Variants in HEATR5B observed in about 807,000 individuals in gnomAD.
HEATR5B encodes the protein HEAT repeat containing 5B, also known as HEAT repeat-containing protein 5B.
In HEATR5B, 156 loss-of-function variants were observed where a neutral mutation model predicts 224.1. The observed-to-expected ratio is 0.70, with a 90% CI of 0.61 to 0.80. The LOEUF (loss-of-function observed/expected upper bound fraction) is 0.80. Among genes scored for constraint, HEATR5B ranks in the 30% least tolerant of loss-of-function variants. The pLI is 0.00. For missense variants in HEATR5B, 2,323 were observed against 2,535.5 expected (o/e 0.92, Z 1.80); for synonymous variants, 1,027 against 893.0 (o/e 1.15, Z -2.68).
intron 24 of HEATR5B, among the ~76,000 whole-genome samples, chr2:37,026,625 A>C (rs930641316): frequency 6.6e-6 from 1 of 152,196 alleles, no homozygotes; most frequent in Non-Finnish European, 1.5e-5. Flanking sequence ...AAGTTCTTCC[A>C]GGGTATGGAC....
intron 10 of HEATR5B, among the ~76,000 whole-genome samples, chr2:37,064,257 T>A (rs1363766174): frequency 6.6e-6 from 1 of 150,518 alleles, no homozygotes; most frequent in East Asian, 2.0e-4. Flanking sequence ...GACTTTCAAA[T>A]AATTACTATA....
chr2:37,053,914 C>T (rs1670719874), intron 16 of HEATR5B, among the ~76,000 whole-genome samples: 1 of 151,506 alleles, frequency 6.6e-6, no homozygotes, highest in East Asian at 1.9e-4. Context: ...CTCAAGGTTT[C>T]TTGCAAAGAT....
rs773231423 is a variant in HEATR5B at position 37,057,407 on chromosome 2, A to C, written c.2133T>G (p.Thr711=). Residue 711 remains threonine (T), a synonymous_variant, in exon 15 of 36, where the codon ACT becomes ACG. Coordinates refer to ENST00000233099, the MANE Select transcript of HEATR5B (RefSeq NM_019024.3). ...AATGGCAGAGGGATCTGAGGAGGGA[A>C]GTAGTTGTGTTGGCTGAGTTGTCAG... ...TLTDNSANTT[T]SLLRSLCHYD... 16 of 1,611,906 alleles carry C rather than the reference A, an allele frequency of 9.9e-6. No individual in the cohort carries two copies. The highest frequency in any genetic ancestry group is 1.4e-5 in the Non-Finnish European group (16 of 1,178,944).
chr2:36,986,369 T>C (rs562295751), intron 35 of HEATR5B, among the ~76,000 whole-genome samples: 7 of 152,354 alleles, frequency 4.6e-5, no homozygotes, highest in African/African-American at 1.7e-4. Context: ...TTTTGCCTTC[T>C]ATAACCAGTT....
At chr2:37,007,407 G>A (rs565741072) in intron 28 of HEATR5B, 103 bp from the exon 29 acceptor site, 50 of 1,282,968 alleles carry the variant, frequency 3.9e-5, no homozygotes, top group East Asian at 1.0e-4. Flanking sequence ...GCAATGGTGC[G>A]ATCTTGGCTC....
At chr2:36,997,965 CATGAT>C (rs1375178715) in intron 33 of HEATR5B, among the ~76,000 whole-genome samples, 1 of 152,182 alleles carries the variant, frequency 6.6e-6, no homozygotes, top group South Asian at 2.1e-4. Flanking sequence ...TGTTTTGATT[CATGAT>C]ATAAGAGCCT....
chr2:37,014,463 G>A (rs1177045450), intron 26 of HEATR5B, among the ~76,000 whole-genome samples: 1 of 151,728 alleles, frequency 6.6e-6, no homozygotes, highest in African/African-American at 2.4e-5. Flanking sequence ...TGCCCAGCCA[G>A]TATTATTTTT....
At position 36,990,758 on chromosome 2, in the gene HEATR5B, C is replaced by T. The variant is rs763353625; in HGVS notation, c.5587G>A (p.Ala1863Thr). The T allele has an allele frequency of 6.2e-7, 1 of 1,610,916 alleles. No individual in the cohort carries two copies. Among genetic ancestry groups the T allele is most frequent in the Non-Finnish European group, 8.5e-7 (1 of 1,178,128 alleles). The change falls in exon 34 of 36, where the codon GCA becomes ACA. Residue 1863 changes from alanine to threonine, a missense_variant. Ala to Thr is a moderately conservative substitution (Grantham distance 58). Transcript: ENST00000233099. ...PTPDEVSMLT[A>T]IALFLWSASN... ...GCAGACCACAGGAAGAGTGCAATTG[C>T]TGTTAGCATGCTTACTTCATCAGGT... is the stretch of plus-strand genomic sequence containing the variant.
chr2:37,042,889 CAAAAAAA>C (rs373043531), intron 18 of HEATR5B, among the ~76,000 whole-genome samples: 14 of 80,714 alleles, frequency 1.7e-4, no homozygotes, highest in Non-Finnish European at 3.0e-4. Context: ...GACTCTGTCT[CAAAAAAA>C]AAAAAAAAAA....
chr2:37,038,019 C>T lies in HEATR5B; in HGVS notation c.3052G>A (p.Gly1018Arg), dbSNP rs777080804. 2 of 1,508,030 alleles carry T rather than the reference C, an allele frequency of 1.3e-6. No homozygotes were observed. The highest frequency in any genetic ancestry group is 1.8e-6 in the Non-Finnish European group (2 of 1,122,512). The allele number at this position is 1,508,030 out of a possible 1,614,324, so 93.4% of individuals were successfully genotyped here. A position where few individuals can be genotyped will look rare whatever the true frequency, so the allele number is the denominator to read the frequency against. ...TTVGPELQGN[G>R]ATTSTIRSSC... is the part of the protein sequence containing the mutation. Reference sequence around the variant, plus strand: ...GAACGAATTGTAGAAGTTGTTGCTCCATTCCCTGGTGCAAAATGAAAGAAA... The same window carrying T: ...GAACGAATTGTAGAAGTTGTTGCTCTATTCCCTGGTGCAAAATGAAAGAAA... The change falls in exon 21 of 36, where the codon GGA (glycine) becomes AGA (arginine). Residue 1018 changes from glycine to arginine, a missense_variant. Transcript: ENST00000233099.
At chr2:37,026,705 AT>A (rs1668799773) in intron 24 of HEATR5B, among the ~76,000 whole-genome samples, 1 of 152,214 alleles carries the variant, frequency 6.6e-6, no homozygotes, top group Admixed American at 6.5e-5. Context: ...CTGCTGAATA[AT>A]TACATGAACA....
At chr2:37,025,308 TGA>T (rs1171537983) in intron 24 of HEATR5B, among the ~76,000 whole-genome samples, 2 of 151,976 alleles carry the variant, frequency 1.3e-5, no homozygotes, top group Admixed American at 6.6e-5. Flanking sequence ...ACCTCCACAC[TGA>T]GAGAAAATTC....
chr2:37,071,127 A>G (rs993864851), intron 6 of HEATR5B, among the ~76,000 whole-genome samples: 1 of 135,454 alleles, frequency 7.4e-6, no homozygotes, highest in African/African-American at 3.0e-5. Flanking sequence ...ACTTTAAAAC[A>G]TTACATCATC....
intron 11 of HEATR5B, 62 bp from the exon 12 acceptor site, chr2:37,060,795 A>G (rs1022059227): frequency 5.7e-5 from 80 of 1,400,862 alleles, no homozygotes; most frequent in Non-Finnish European, 6.9e-5. Context: ...AACAAGTGTC[A>G]AGCAAAATGA....
rs577305345 is a variant in HEATR5B at position 37,008,384 on chromosome 2, G to A, written c.4522+227C>T. On this transcript the variant is annotated intron_variant, in intron 28 of 35. Transcript: ENST00000233099. ...TACCCTAGCTCATACAGCTATTATT[G>A]TAACAGTGCTTGCTAATATGTTTGC... The A allele has an allele frequency of 1.1e-5, 6 of 569,986 alleles. No homozygotes were observed. The South Asian group carries it at 1.2e-4, about 12-fold the overall frequency. The allele number at this position is 569,986 out of a possible 1,614,324, so 35.3% of individuals were successfully genotyped here.
At chr2:36,982,269 TCA>T (rs1291343675) in intron 35 of HEATR5B, among the ~76,000 whole-genome samples, 1 of 152,030 alleles carries the variant, frequency 6.6e-6, no homozygotes, top group African/African-American at 2.4e-5. Flanking sequence ...CCCCCAAAAC[TCA>T]CAGTGAGGGG....
chr2:37,070,657 C>T (rs1671851310), intron 6 of HEATR5B, among the ~76,000 whole-genome samples: 1 of 152,144 alleles, frequency 6.6e-6, no homozygotes, highest in African/African-American at 2.4e-5. Context: ...ATGTGTAACA[C>T]AATAAGGACA....
intron 21 of HEATR5B, among the ~76,000 whole-genome samples, chr2:37,037,531 T>TCGTCATAAAA (rs1669574525): frequency 6.6e-6 from 1 of 152,078 alleles, no homozygotes; most frequent in Admixed American, 6.5e-5. Flanking sequence ...ATAAAATGAA[T>TCGTCATAAAA]TGTCATAAAA....
intron 26 of HEATR5B, among the ~76,000 whole-genome samples, chr2:37,017,784 A>T (rs1668215937): frequency 6.6e-6 from 1 of 151,920 alleles, no homozygotes; most frequent in African/African-American, 2.4e-5. Context: ...GCATTGAATT[A>T]GTAAAATAAT....
Sources: gnomAD v4.1 joint callset for allele counts (sites outside exome capture counted in the v4.1 genomes callset) on GRCh38, gnomAD v4.1.1 for gene constraint, MANE v1.5 for transcripts, NCBI Gene and HGNC (gene_info 2026-07-23, HGNC 2026-07-21) for gene names.